IQSEC1: variants seen among roughly 807,000 people sequenced by gnomAD.
The protein encoded by IQSEC1 is IQ motif and SEC7 domain-containing protein 1.
A neutral mutation model predicts 91.0 loss-of-function variants in IQSEC1; 31 were observed. That is an observed-to-expected ratio of 0.34 (90% confidence interval 0.26 to 0.46). The LOEUF is 0.46. IQSEC1 is among the 20% of genes least tolerant of loss of function. The pLI is 1.00. For missense variants in IQSEC1, 1,388 were observed against 1,575.6 expected (o/e 0.88, Z 2.02); for synonymous variants, 699 against 662.6 (o/e 1.05, Z -0.84).
chr3:13,139,888 CA>C (rs1444266269), intron 2 of IQSEC1, among the ~76,000 whole-genome samples: 1 of 152,166 alleles, frequency 6.6e-6, no homozygotes, highest in Non-Finnish European at 1.5e-5. Flanking sequence ...AGAACCCTGC[CA>C]TTATCCTCAC....
Position 12,936,119 on chromosome 3 carries a change from C to T in IQSEC1, c.897G>A (p.Ser299=), listed in dbSNP as rs1379496148. ...CTGCCTGCGAGAGGGGCAGAGGGGG[C>T]GACAGCTCCTCCTCATCGATGTACA... ...VTLYIDEEEL[S]PPLPLSQAGD... is the part of the protein sequence containing the mutation. Residue 299 remains serine (S), a synonymous_variant, in exon 3 of 14, where the codon TCG becomes TCA. Coordinates refer to ENST00000613206, the MANE Select transcript of IQSEC1 (RefSeq NM_001134382.3). 12 of 1,611,714 alleles carry T rather than the reference C, an allele frequency of 7.4e-6. No homozygotes were observed. The Admixed American group carries it at 8.3e-5, about 11-fold the overall frequency.
chr3:12,900,250 T>A lies in IQSEC1; in HGVS notation c.*733A>T. On this transcript the variant is annotated 3_prime_UTR_variant, in exon 14 of 14. Transcript: ENST00000613206. The stretch of plus-strand genomic sequence containing the variant: ...CAGTTAGTAATGATTGTGTAAAGAT[T>A]TTAGCCAGTCCTAGAGGGACTTCTT... 1.0e-6 allele frequency: 1 copy of A among 984,942 alleles called. No homozygotes were observed. The highest frequency in any genetic ancestry group is 1.2e-6 in the Non-Finnish European group (1 of 829,560). The allele number at this position is 984,942 out of a possible 1,614,324, so 61.0% of individuals were successfully genotyped here.
chr3:12,938,899 G>T (rs1298181640), intron 2 of IQSEC1, among the ~76,000 whole-genome samples: 1 of 152,200 alleles, frequency 6.6e-6, no homozygotes, highest in Non-Finnish European at 1.5e-5. Context: ...GCCCCTGGCA[G>T]TTCCTCCCCC....
At chr3:13,081,917 G>C (rs1317375837) in intron 2 of IQSEC1, among the ~76,000 whole-genome samples, 2 of 152,218 alleles carry the variant, frequency 1.3e-5, no homozygotes, top group Non-Finnish European at 2.9e-5. Flanking sequence ...TAAAGGAGTG[G>C]GTGCTGCATG....
intron 1 of IQSEC1, among the ~76,000 whole-genome samples, chr3:13,035,285 T>C (rs1382434189): frequency 6.6e-6 from 1 of 152,184 alleles, no homozygotes; most frequent in African/African-American, 2.4e-5. Flanking sequence ...CCTGTGGCGA[T>C]TTCTGTTGCC....
At chr3:12,989,670 C>T (rs1317320651) in intron 1 of IQSEC1, among the ~76,000 whole-genome samples, 1 of 152,222 alleles carries the variant, frequency 6.6e-6, no homozygotes, top group Non-Finnish European at 1.5e-5. Context: ...CCACTCCACA[C>T]ACCTGAGCTT....
At chr3:13,128,978 C>T (rs963131531) in intron 2 of IQSEC1, among the ~76,000 whole-genome samples, 38 of 151,382 alleles carry the variant, frequency 2.5e-4, no homozygotes, top group Admixed American at 2.3e-3. Context: ...TTTTGGTATT[C>T]GGATAAAGCA....
At chr3:13,064,777 A>G (rs1039896867) in intron 1 of IQSEC1, among the ~76,000 whole-genome samples, 1 of 152,236 alleles carries the variant, frequency 6.6e-6, no homozygotes, top group African/African-American at 2.4e-5. Context: ...TTGCTCGCAG[A>G]TTTTCATGCC....
chr3:13,029,962 C>T (rs1210556001), intron 1 of IQSEC1, among the ~76,000 whole-genome samples: 3 of 152,212 alleles, frequency 2.0e-5, no homozygotes, highest in African/African-American at 7.2e-5. Context: ...CCACCCTCGT[C>T]CCACCTTTAT....
intron 1 of IQSEC1, among the ~76,000 whole-genome samples, chr3:12,993,291 A>C (rs1327980185): frequency 2.0e-5 from 3 of 152,140 alleles, no homozygotes; most frequent in African/African-American, 4.8e-5. Flanking sequence ...GGAGGCAGGG[A>C]CAGGGCCAGG....
At position 13,234,205 on chromosome 3, in the gene IQSEC1, CCTGTGGGTGTGAGCCCCCGTGTCTGT is replaced by C. The variant is rs1694882892; in HGVS notation, c.272+48480_272+48505del. 2.0e-5 allele frequency among the ~76,000 whole-genome samples: 3 copies of C among 150,178 alleles called. No individual in the cohort carries two copies. The South Asian group carries it at 6.4e-4, about 32-fold the overall frequency. The stretch of plus-strand genomic sequence containing the variant: ...GTGTGAGCCCCCATGTCTGTGTGTG[CCTGTGGGTGTGAGCCCCCGTGTCTGT>C]GCCTGTGGGTGTGAGCCCCCGTGTC... On this transcript the variant is annotated intron_variant, in intron 1 of 15. Coordinates refer to the IQSEC1 transcript ENST00000648114.
chr3:12,979,842 G>A lies in IQSEC1; in HGVS notation c.24-37977C>T, dbSNP rs1435533490. 6.6e-6 allele frequency among the ~76,000 whole-genome samples: 1 copy of A among 152,154 alleles called. No homozygotes were observed. The highest frequency in any genetic ancestry group is 1.9e-4 in the East Asian group (1 of 5,198). ...TCACCCGGAATCGTTTCGCGGCCTG[G>A]ATCTCATACTTCCTGAAACCCTGCT... is the stretch of plus-strand genomic sequence containing the variant. On this transcript the variant is annotated intron_variant, in intron 1 of 13. Transcript: ENST00000613206. The surrounding 1 kb of genome is among the most constrained non-coding windows in gnomAD (Gnocchi z 4.3).
chr3:12,914,899 G>T (rs558101276), intron 8 of IQSEC1, among the ~76,000 whole-genome samples: 4 of 152,030 alleles, frequency 2.6e-5, no homozygotes, highest in Non-Finnish European at 5.9e-5. Flanking sequence ...GAGGGAGCAG[G>T]AGTCTCCCCT....
intron 5 of IQSEC1, among the ~76,000 whole-genome samples, chr3:12,921,841 G>A (rs370874242): frequency 1.3e-5 from 2 of 152,290 alleles, no homozygotes; most frequent in Non-Finnish European, 1.5e-5. Context: ...CCTAGCAGTC[G>A]CAATCATAAC....
Position 13,073,083 on chromosome 3 carries a change from G to A in IQSEC1, c.-69C>T. ...GGGGAGGCTCAACGTGTTTCCAAGAGGAGCAGGCGGCTCAGGCAAGAAGTG... is the reference window on the plus strand; with the variant it reads ...GGGGAGGCTCAACGTGTTTCCAAGAAGAGCAGGCGGCTCAGGCAAGAAGTG... On this transcript the variant is annotated 5_prime_UTR_variant, in exon 1 of 14. Coordinates refer to ENST00000613206, the MANE Select transcript of IQSEC1 (RefSeq NM_001134382.3). The A allele has an allele frequency of 6.5e-7, 1 of 1,542,250 alleles. No homozygotes were observed. Among genetic ancestry groups the A allele is most frequent in the African/African-American group, 1.4e-5 (1 of 72,986 alleles).
intron 1 of IQSEC1, among the ~76,000 whole-genome samples, chr3:12,972,603 C>T (rs1271571164): frequency 6.6e-6 from 1 of 152,264 alleles, no homozygotes; most frequent in Non-Finnish European, 1.5e-5. Context: ...TCCCCCATCA[C>T]AGCCAGAATG....
chr3:13,166,331 G>T (rs1184700447), intron 1 of IQSEC1, among the ~76,000 whole-genome samples: 2 of 152,242 alleles, frequency 1.3e-5, no homozygotes, highest in East Asian at 3.8e-4. Flanking sequence ...TCAGTAGGAC[G>T]AAAATGCCAC....
Position 13,054,763 on chromosome 3 carries a change from G to A in IQSEC1, c.23+18229C>T, listed in dbSNP as rs534869453. Among the ~76,000 whole-genome samples the A allele has an allele frequency of 2.6e-5, 4 of 152,328 alleles. No homozygotes were observed. The South Asian group carries it at 6.2e-4, about 24-fold the overall frequency. Reference sequence around the variant, plus strand: ...GTGGTCTCATTCCATGATCCCCGAGGGGGGAGGCTGTTTGCCAGTGTCACA... The same window carrying A: ...GTGGTCTCATTCCATGATCCCCGAGAGGGGAGGCTGTTTGCCAGTGTCACA... On this transcript the variant is annotated intron_variant, in intron 1 of 13. Transcript: ENST00000613206.
Position 12,936,093 on chromosome 3 carries a change from C to T in IQSEC1, c.923G>A (p.Gly308Glu), listed in dbSNP as rs1698165831. Reference protein sequence around the residue: ...LSPPLPLSQAGDRPSSTESDL... With the variant: ...LSPPLPLSQAEDRPSSTESDL... ...CGACTCGGTGCTGGACGGCCGGTCC[C>T]CTGCCTGCGAGAGGGGCAGAGGGGG... Residue 308 changes from glycine (G) to glutamate (E), a missense_variant, in exon 3 of 14, where the codon GGG becomes GAG. Coordinates refer to ENST00000613206, the MANE Select transcript of IQSEC1 (RefSeq NM_001134382.3). 6.2e-7 allele frequency: 1 copy of T among 1,610,418 alleles called. No individual in the cohort carries two copies. Among genetic ancestry groups the T allele is most frequent in the South Asian group, 1.1e-5 (1 of 91,060 alleles).
Sources: gnomAD v4.1 joint callset for allele counts (sites outside exome capture counted in the v4.1 genomes callset) on GRCh38, gnomAD v4.1.1 for gene constraint, Gnocchi (gnomAD v3.1) non-coding constraint, MANE v1.5 for transcripts, NCBI Gene and HGNC (gene_info 2026-07-23, HGNC 2026-07-21) for gene names.